The following YTHDF1 variants were observed in gnomAD, a reference collection of about 807,000 sequenced individuals.
YTHDF1 encodes the protein YTH domain-containing family protein 1.
A neutral mutation model predicts 49.1 loss-of-function variants in YTHDF1; 16 were observed. The observed-to-expected ratio is 0.33, with a 90% CI of 0.22 to 0.49. The LOEUF (loss-of-function observed/expected upper bound fraction) is 0.49, where lower values mean the gene tolerates loss of function less well. YTHDF1 is among the 20% of genes least tolerant of loss of function. The pLI is 0.99. For missense variants in YTHDF1, 621 were observed against 744.3 expected (o/e 0.83, Z 1.93); for synonymous variants, 313 against 290.1 (o/e 1.08, Z -0.80).
In YTHDF1 at chr20:63,211,960, TACACACACACACACACACACACAC is replaced by T. The variant is rs57357558; in HGVS notation, c.132+1880_132+1903del. On this transcript the variant is annotated intron_variant, in intron 3 of 4. Coordinates refer to ENST00000370339, the MANE Select transcript of YTHDF1 (RefSeq NM_017798.4). ...TAACAGCAGGACCCTGTCTCCAAAA[TACACACACACACACACACACACAC>T]ACACACACACACACACACACACACT... Among the ~76,000 whole-genome samples, 47 of 143,834 alleles carry T rather than the reference TACACACACACACACACACACACAC, an allele frequency of 3.3e-4. 1 individual carries two copies. The highest frequency in any genetic ancestry group is 2.3e-3 in the South Asian group (10 of 4,334). The allele number at this position is 143,834 out of a possible 152,430, so 94.4% of individuals were successfully genotyped here.
chr20:63,202,472 G>C lies in YTHDF1; in HGVS notation c.1468C>G (p.Arg490Gly). The C allele has an allele frequency of 6.2e-7, 1 of 1,614,260 alleles. No homozygotes were observed. The highest frequency in any genetic ancestry group is 8.5e-7 in the Non-Finnish European group (1 of 1,180,056). Residue 490 changes from arginine to glycine, a missense_variant, in exon 4 of 5, where the codon CGG becomes GGG. Coordinates refer to ENST00000370339, the MANE Select transcript of YTHDF1 (RefSeq NM_017798.4). ...FVKDVPNNQLRHIRLENNDNK... is the reference protein window; with the variant it reads ...FVKDVPNNQLGHIRLENNDNK... ...TCGTTATTCTCCAGCCTGATGTGCC[G>C]GAGCTGGTTATTGGGTACATCCTTA...
intron 4 of YTHDF1, among the ~76,000 whole-genome samples, chr20:63,200,134 G>A (rs2066511109): frequency 6.6e-6 from 1 of 152,100 alleles, no homozygotes; most frequent in African/African-American, 2.4e-5. Flanking sequence ...GCTGAGGTGG[G>A]CAGATCACTT....
At chr20:63,197,454 T>C (rs1396939948) in intron 4 of YTHDF1, among the ~76,000 whole-genome samples, 2 of 152,202 alleles carry the variant, frequency 1.3e-5, no homozygotes, top group East Asian at 3.8e-4. Flanking sequence ...GCTTGAGACT[T>C]ACACCCGAAT....
chr20:63,215,484 A>G, intron 2 of YTHDF1, 93 bp downstream of exon 2: 1 of 1,559,174 alleles, frequency 6.4e-7, no homozygotes, highest in Non-Finnish European at 8.8e-7. Context: ...CGGAAGAGAG[A>G]AAGTTTCCGG....
At chr20:63,199,529 A>AC (rs2066508175) in intron 4 of YTHDF1, among the ~76,000 whole-genome samples, 1 of 151,396 alleles carries the variant, frequency 6.6e-6, no homozygotes, top group East Asian at 2.0e-4. Context: ...AAAAAAAAAA[A>AC]AAACAAAACA....
At chr20:63,213,568 C>T (rs539562839) in intron 3 of YTHDF1, among the ~76,000 whole-genome samples, 1 of 152,298 alleles carries the variant, frequency 6.6e-6, no homozygotes, top group African/African-American at 2.4e-5. Flanking sequence ...CACACACACA[C>T]CTCCACTGCG....
chr20:63,207,926 G>A (rs1290097998), intron 3 of YTHDF1, among the ~76,000 whole-genome samples: 1 of 151,896 alleles, frequency 6.6e-6, no homozygotes, highest in Non-Finnish European at 1.5e-5. Context: ...GGGAGGTGAA[G>A]GCTGCCATGA....
At chr20:63,204,801 C>T (rs1228199611) in intron 3 of YTHDF1, among the ~76,000 whole-genome samples, 1 of 152,116 alleles carries the variant, frequency 6.6e-6, no homozygotes. Flanking sequence ...GTCAGCAGTT[C>T]TGGGACGGCA....
chr20:63,215,699 AGCTCCGCCGGCCCCGACGCGCG>A, intron 1 of YTHDF1, 98 bp from the exon 2 acceptor site: 2 of 1,439,894 alleles, frequency 1.4e-6, no homozygotes, highest in Non-Finnish European at 1.8e-6. Context: ...ACGGGCCGCG[AGCTCCGCCGGCCCCGACGCGCG>A]GTCACGTGCG....
At chr20:63,198,824 A>T (rs2066504331) in intron 4 of YTHDF1, among the ~76,000 whole-genome samples, 1 of 152,332 alleles carries the variant, frequency 6.6e-6, no homozygotes, top group African/African-American at 2.4e-5. Flanking sequence ...GGGCAAGGAC[A>T]GTCAGTCTGA....
rs911320690 is a variant in YTHDF1, at chr20:63,215,946, C to G, written c.-54G>C. On this transcript the variant is annotated 5_prime_UTR_variant, in exon 1 of 5. Transcript: ENST00000370339. ...GGGCGCCCGCCGGCTCGGGCCTCCC[C>G]TAGAGGCCGGGCCTGTCACCCTAGC... is the stretch of plus-strand genomic sequence containing the variant. 7 of 1,293,396 alleles carry G rather than the reference C, an allele frequency of 5.4e-6. No individual in the cohort carries two copies. The African/African-American group carries it at 1.1e-4, about 20-fold the overall frequency. 80.1% of individuals were successfully genotyped at this position (1,293,396 alleles called of 1,614,324 possible).
intron 3 of YTHDF1, among the ~76,000 whole-genome samples, chr20:63,204,224 A>G (rs1454475776): frequency 6.6e-6 from 1 of 152,216 alleles, no homozygotes; most frequent in Non-Finnish European, 1.5e-5. Context: ...AGGCAGAGAT[A>G]TTTCCATTGG....
intron 4 of YTHDF1, among the ~76,000 whole-genome samples, chr20:63,198,595 A>C (rs1278292590): frequency 6.6e-6 from 1 of 151,870 alleles, no homozygotes; most frequent in African/African-American, 2.4e-5. Flanking sequence ...AAAGTTTACT[A>C]TGTGCTCTTT....
intron 4 of YTHDF1, among the ~76,000 whole-genome samples, chr20:63,198,211 T>C (rs891223647): frequency 3.9e-5 from 6 of 151,982 alleles, no homozygotes; most frequent in Non-Finnish European, 1.5e-5. Context: ...GGTGGGTGGA[T>C]TGCCTGAGCT....
chr20:63,202,916 C>T lies in YTHDF1; in HGVS notation c.1024G>A (p.Gly342Arg), dbSNP rs200162875. 18 of 1,614,076 alleles carry T rather than the reference C, an allele frequency of 1.1e-5. No individual in the cohort carries two copies. Among genetic ancestry groups the T allele is most frequent in the Middle Eastern group, 1.7e-4 (1 of 6,060 alleles). Residue 342 changes from glycine to arginine, a missense_variant, in exon 4 of 5, where the codon GGA becomes AGA. Coordinates refer to ENST00000370339, the MANE Select transcript of YTHDF1 (RefSeq NM_017798.4). The part of the protein sequence containing the change: ...RNRNAAFGQS[G>R]GAGSDSNSPG... Reference sequence around the variant, plus strand: ...GAGTTGCTATCGCTGCCAGCCCCTCCGCTCTGCCCAAACGCCGCGTTTCTG... The same window carrying T: ...GAGTTGCTATCGCTGCCAGCCCCTCTGCTCTGCCCAAACGCCGCGTTTCTG...
Position 63,203,733 on chromosome 20 carries a change from G to T in YTHDF1, c.207C>A (p.Ser69=). ...CAGTAGACCACGGAGCCTCATTGAG[G>T]GAGTAAGGAAATCCAATGGACGGCG... The part of the protein sequence containing the change: ...YYPPSIGFPY[S]LNEAPWSTAG... Residue 69 remains serine, a synonymous_variant, in exon 4 of 5, where the codon TCC becomes TCA. Coordinates refer to ENST00000370339, the MANE Select transcript of YTHDF1 (RefSeq NM_017798.4). The surrounding 1 kb of genome is among the most constrained non-coding windows in gnomAD (Gnocchi z 4.4). 1 of 1,614,110 alleles carries T rather than the reference G, an allele frequency of 6.2e-7. No homozygotes were observed. The highest frequency in any genetic ancestry group is 8.5e-7 in the Non-Finnish European group (1 of 1,180,002).
chr20:63,205,405 T>C (rs1006929787), intron 3 of YTHDF1, among the ~76,000 whole-genome samples: 13 of 152,218 alleles, frequency 8.5e-5, no homozygotes, highest in Admixed American at 1.3e-4. Flanking sequence ...CACCACTTCC[T>C]GCCTCCTGCT....
At chr20:63,211,248 T>A (rs2066572737) in intron 3 of YTHDF1, among the ~76,000 whole-genome samples, 1 of 152,158 alleles carries the variant, frequency 6.6e-6, no homozygotes, top group Non-Finnish European at 1.5e-5. Flanking sequence ...GTGGATTGCT[T>A]GAGCCCATGA....
chr20:63,204,979 G>A (rs544143248), intron 3 of YTHDF1, among the ~76,000 whole-genome samples: 1 of 152,182 alleles, frequency 6.6e-6, no homozygotes, highest in South Asian at 2.1e-4. Flanking sequence ...CCACCTAGAC[G>A]CATCGTCTGA....
Sources: gnomAD v4.1 joint callset for allele counts (sites outside exome capture counted in the v4.1 genomes callset) on GRCh38, gnomAD v4.1.1 for gene constraint, Gnocchi (gnomAD v3.1) non-coding constraint, MANE v1.5 for transcripts, NCBI Gene and HGNC (gene_info 2026-07-23, HGNC 2026-07-21) for gene names.